Variants in FBLN5 observed in about 807,000 individuals in gnomAD.
FBLN5 encodes the protein fibulin-5.
FBLN5 carries 24 observed loss-of-function variants against 61.6 expected under a neutral mutation model. The ratio of observed to expected loss-of-function variants is 0.39; its 90% CI spans 0.28 to 0.55. The LOEUF is 0.55. FBLN5 is among the 20% of genes least tolerant of loss of function. The pLI, the probability that FBLN5 is intolerant of heterozygous loss-of-function variation, is 0.65. For missense variants in FBLN5, 470 were observed against 594.1 expected (o/e 0.79, Z 2.17); for synonymous variants, 213 against 219.8 (o/e 0.97, Z 0.27).
intron 10 of FBLN5, among the ~76,000 whole-genome samples, chr14:91,871,259 C>CT (rs1292788832): frequency 2.8e-5 from 4 of 142,306 alleles, no homozygotes; most frequent in Non-Finnish European, 4.6e-5. Flanking sequence ...GCTACTGGAA[C>CT]TTTTTTTGTT....
At chr14:91,929,309 G>A (rs2055885639) in intron 4 of FBLN5, among the ~76,000 whole-genome samples, 1 of 152,070 alleles carries the variant, frequency 6.6e-6, no homozygotes, top group Non-Finnish European at 1.5e-5. Flanking sequence ...ACCATCCCAG[G>A]TACTGCTAAT....
intron 4 of FBLN5, among the ~76,000 whole-genome samples, chr14:91,906,015 T>C (rs921421226): frequency 2.6e-5 from 4 of 152,106 alleles, no homozygotes; most frequent in Non-Finnish European, 5.9e-5. Flanking sequence ...GCCTCCCGAA[T>C]GGATGGGATT....
chr14:91,905,050 G>A lies in FBLN5; in HGVS notation c.380-9978C>T, dbSNP rs138021921. 1.9e-4 allele frequency among the ~76,000 whole-genome samples: 29 copies of A among 152,270 alleles called. No individual in the cohort carries two copies. The East Asian group carries it at 4.4e-3, about 23-fold the overall frequency. Reference sequence around the variant, plus strand: ...AGGAAATCTATTTTTCAAGCTGGCCGTGAGAATACCCAGGTGTGCAAATTC... The same window carrying A: ...AGGAAATCTATTTTTCAAGCTGGCCATGAGAATACCCAGGTGTGCAAATTC... On this transcript the variant is annotated intron_variant, in intron 4 of 10. Coordinates refer to ENST00000342058, the MANE Select transcript of FBLN5 (RefSeq NM_006329.4).
In FBLN5 at chr14:91,870,057, T is replaced by G. The variant is rs2139936258; in HGVS notation, c.*167A>C. ...GTGGCAAGTCCTGCAGGGTGACAGGTCTGCAATAGTACAGGTGAGAGTCAG... is the reference window on the plus strand; with the variant it reads ...GTGGCAAGTCCTGCAGGGTGACAGGGCTGCAATAGTACAGGTGAGAGTCAG... On this transcript the variant is annotated 3_prime_UTR_variant, in exon 11 of 11. Coordinates refer to ENST00000342058, the MANE Select transcript of FBLN5 (RefSeq NM_006329.4). The G allele has an allele frequency of 2.8e-6, 2 of 707,980 alleles. No individual in the cohort carries two copies. Among genetic ancestry groups the G allele is most frequent in the Non-Finnish European group, 5.0e-6 (2 of 396,974 alleles). 43.9% of individuals were successfully genotyped at this position (707,980 alleles called of 1,614,324 possible).
At chr14:91,917,800 T>C (rs1891259303) in intron 4 of FBLN5, among the ~76,000 whole-genome samples, 1 of 152,144 alleles carries the variant, frequency 6.6e-6, no homozygotes. Flanking sequence ...GCACCAAGAG[T>C]AACAAGTGAA....
intron 5 of FBLN5, among the ~76,000 whole-genome samples, chr14:91,893,478 A>G (rs1368634397): frequency 6.6e-6 from 1 of 152,182 alleles, no homozygotes; most frequent in African/African-American, 2.4e-5. Flanking sequence ...TCAATCAAGA[A>G]ACTTAGAAAG....
rs749994926 is a variant in FBLN5 at position 91,947,574 on chromosome 14, G to C, written c.-345C>G. On this transcript the variant is annotated 5_prime_UTR_variant, in exon 1 of 11. Transcript: ENST00000342058. The surrounding 1 kb of genome is among the most constrained non-coding windows in gnomAD (Gnocchi z 4.3). ...GGACACAGCTGGTTCAGATTACAGC[G>C]CTCACCAACTGGCTAGACTCCTCAC... 1 of 406,638 alleles carries C rather than the reference G, an allele frequency of 2.5e-6. No individual in the cohort carries two copies. The highest frequency in any genetic ancestry group is 4.9e-5 in the East Asian group (1 of 20,248). The allele number at this position is 406,638 out of a possible 1,614,324, so 25.2% of individuals were successfully genotyped here.
At chr14:91,940,739 G>A (rs930404933) in intron 2 of FBLN5, 123 bp from the exon 3 acceptor site, 14 of 757,866 alleles carry the variant, frequency 1.8e-5, no homozygotes, top group Admixed American at 6.1e-5. Context: ...ACCAATACCT[G>A]TATTATAACC....
At chr14:91,929,354 T>C (rs549551373) in intron 4 of FBLN5, among the ~76,000 whole-genome samples, 1 of 152,180 alleles carries the variant, frequency 6.6e-6, no homozygotes, top group Non-Finnish European at 1.5e-5. Flanking sequence ...TGGACAGTAA[T>C]GCTAAATCTC....
At position 91,932,647 on chromosome 14, in the gene FBLN5, C is replaced by G. The variant is rs140070074; in HGVS notation, c.379+4300G>C. Among the ~76,000 whole-genome samples the G allele has an allele frequency of 5.3e-3, 809 of 152,258 alleles. 5 individuals carry two copies. Among genetic ancestry groups the G allele is most frequent in the Non-Finnish European group, 8.9e-3 (604 of 68,014 alleles). On this transcript the variant is annotated intron_variant, in intron 4 of 10. Coordinates refer to ENST00000342058, the MANE Select transcript of FBLN5 (RefSeq NM_006329.4). ...GATGCTACCTGCAAAATAGCCTGCCCAAAAATTTAACCTGAATTGGATCAA... is the reference window on the plus strand; with the variant it reads ...GATGCTACCTGCAAAATAGCCTGCCGAAAAATTTAACCTGAATTGGATCAA...
intron 6 of FBLN5, among the ~76,000 whole-genome samples, chr14:91,888,221 C>A (rs1889818203): frequency 6.6e-6 from 1 of 151,982 alleles, no homozygotes; most frequent in South Asian, 2.1e-4. Flanking sequence ...ATCACTTGAG[C>A]CTGGGAGATT....
intron 4 of FBLN5, among the ~76,000 whole-genome samples, chr14:91,905,902 T>C (rs1297623580): frequency 1.3e-5 from 2 of 149,476 alleles, no homozygotes; most frequent in Admixed American, 1.3e-4. Flanking sequence ...TTTGTTTGTT[T>C]TTTCACACAA....
chr14:91,880,343 A>C (rs1050360897), intron 9 of FBLN5, among the ~76,000 whole-genome samples: 9 of 152,208 alleles, frequency 5.9e-5, no homozygotes, highest in Non-Finnish European at 1.3e-4. Context: ...GGTGAGTCCT[A>C]TGAGTGTTAC....
Position 91,910,065 on chromosome 14 carries a change from C to G in FBLN5, c.380-14993G>C, listed in dbSNP as rs572095491. ...TGTAAGCAGGATCTTGAAGTGATAC[C>G]TATACACCTATGTTCATAGCAGCAT... On this transcript the variant is annotated intron_variant, in intron 4 of 10. Coordinates refer to ENST00000342058, the MANE Select transcript of FBLN5 (RefSeq NM_006329.4). 5.9e-5 allele frequency among the ~76,000 whole-genome samples: 9 copies of G among 152,252 alleles called. No homozygotes were observed. In the South Asian group the frequency reaches 1.9e-3, roughly 32 times the overall value.
Position 91,881,430 on chromosome 14 carries a change from G to C in FBLN5, c.863-12C>G, listed in dbSNP as rs969303113. The C allele has an allele frequency of 5.0e-6, 8 of 1,614,126 alleles. No individual in the cohort carries two copies. Among genetic ancestry groups the C allele is most frequent in the Middle Eastern group, 1.6e-4 (1 of 6,062 alleles). ...ACATTCGTTGATGTCTGAAATGCAG[G>C]GGAGACAAGAAGCGGAGGCAGGGCA... is the stretch of plus-strand genomic sequence containing the variant. On this transcript the variant is annotated splice_polypyrimidine_tract_variant and intron_variant, in intron 8 of 10. Transcript: ENST00000342058.
chr14:91,886,035 C>T (rs1228360609), intron 7 of FBLN5, among the ~76,000 whole-genome samples: 2 of 152,202 alleles, frequency 1.3e-5, no homozygotes, highest in African/African-American at 2.4e-5. Context: ...TTTCATGGGA[C>T]GCTGTCCCCA....
intron 4 of FBLN5, among the ~76,000 whole-genome samples, chr14:91,919,797 C>T (rs985485692): frequency 2.0e-5 from 3 of 152,238 alleles, no homozygotes; most frequent in African/African-American, 7.2e-5. Flanking sequence ...AAGGAGCCAA[C>T]TCTGCCAACA....
intron 5 of FBLN5, among the ~76,000 whole-genome samples, chr14:91,894,080 T>C (rs1217244846): frequency 1.3e-5 from 2 of 152,130 alleles, no homozygotes; most frequent in East Asian, 3.9e-4. Flanking sequence ...ACTTAAAAAA[T>C]ACATCCAAAA....
intron 4 of FBLN5, among the ~76,000 whole-genome samples, chr14:91,897,448 A>C (rs1262623919): frequency 6.6e-6 from 1 of 152,208 alleles, no homozygotes. Context: ...ACACTGCCTT[A>C]GGAATTTCTG....
Sources: gnomAD v4.1 joint callset for allele counts (sites outside exome capture counted in the v4.1 genomes callset) on GRCh38, gnomAD v4.1.1 for gene constraint, Gnocchi (gnomAD v3.1) non-coding constraint, MANE v1.5 for transcripts, NCBI Gene and HGNC (gene_info 2026-07-23, HGNC 2026-07-21) for gene names.